CAMTA1: variants seen among roughly 807,000 people sequenced by gnomAD.
The protein encoded by CAMTA1 is calmodulin binding transcription activator 1.
Under a neutral mutation model 170.9 loss-of-function variants are expected in CAMTA1, and 27 were observed. The ratio of observed to expected loss-of-function variants is 0.16; its 90% CI spans 0.12 to 0.22. The LOEUF is 0.22. Among genes scored for constraint, CAMTA1 ranks in the 10% least tolerant of loss-of-function variants. The pLI is 1.00. For missense variants in CAMTA1, 1,619 were observed against 2,217.2 expected (o/e 0.73, Z 5.42); for synonymous variants, 833 against 891.5 (o/e 0.93, Z 1.17).
At chr1:7,655,381 C>T (rs2095888388) in intron 7 of CAMTA1, among the ~76,000 whole-genome samples, 1 of 147,348 alleles carries the variant, frequency 6.8e-6, no homozygotes. Flanking sequence ...CCTATACACA[C>T]ACACGTATGC....
At chr1:7,614,935 G>C (rs1371363054) in intron 6 of CAMTA1, among the ~76,000 whole-genome samples, 1 of 152,198 alleles carries the variant, frequency 6.6e-6, no homozygotes. Flanking sequence ...TTCAGAACCA[G>C]GGCTTTGAGC....
rs74051026 is a variant in CAMTA1, at chr1:6,886,913, G to A, written c.234+61703G>A. Among the ~76,000 whole-genome samples the A allele has an allele frequency of 2.6e-3, 400 of 152,260 alleles. 1 individual carries two copies. Among genetic ancestry groups the A allele is most frequent in the African/African-American group, 9.3e-3 (385 of 41,546 alleles). On this transcript the variant is annotated intron_variant, in intron 3 of 22. Transcript: ENST00000303635. Reference sequence around the variant, plus strand: ...CACTTGTTAGGATGTTACATTAATTGGGAGATGCTAGTCGTTTTGTTCATG... The same window carrying A: ...CACTTGTTAGGATGTTACATTAATTAGGAGATGCTAGTCGTTTTGTTCATG...
chr1:7,576,682 G>A (rs1343334680), intron 6 of CAMTA1, among the ~76,000 whole-genome samples: 1 of 152,174 alleles, frequency 6.6e-6, no homozygotes, highest in Non-Finnish European at 1.5e-5. Flanking sequence ...AATGGACTAA[G>A]ACATGTGAGG....
intron 4 of CAMTA1, among the ~76,000 whole-genome samples, chr1:7,244,574 A>G (rs1665439746): frequency 6.6e-6 from 1 of 152,244 alleles, no homozygotes; most frequent in South Asian, 2.1e-4. Flanking sequence ...AAAAATGATG[A>G]GTTCATGTCC....
At position 7,673,561 on chromosome 1, in the gene CAMTA1, C is replaced by T. The variant is rs1053667360; in HGVS notation, c.2779+2524C>T. 5.9e-5 allele frequency among the ~76,000 whole-genome samples: 9 copies of T among 152,164 alleles called. No individual in the cohort carries two copies. Among genetic ancestry groups the T allele is most frequent in the African/African-American group, 2.2e-4 (9 of 41,432 alleles). On this transcript the variant is annotated intron_variant, in intron 10 of 22. Coordinates refer to ENST00000303635, the MANE Select transcript of CAMTA1 (RefSeq NM_015215.4). The surrounding 1 kb of genome is among the most constrained non-coding windows in gnomAD (Gnocchi z 4.6). ...CCAGAGATGGCAGGTAGAGTCTCTG[C>T]CCAGGCCACTCACCCTCCTAGCTGT...
At chr1:7,749,567 T>C (rs1362044391) in intron 19 of CAMTA1, among the ~76,000 whole-genome samples, 2 of 151,368 alleles carry the variant, frequency 1.3e-5, no homozygotes, top group African/African-American at 2.4e-5. Flanking sequence ...CCAGAAACTG[T>C]CATCTACAGC....
intron 5 of CAMTA1, among the ~76,000 whole-genome samples, chr1:7,419,707 C>T (rs950147365): frequency 6.6e-6 from 1 of 152,194 alleles, no homozygotes; most frequent in African/African-American, 2.4e-5. Context: ...ACCACGGCCA[C>T]ATGGAGCCCA....
At chr1:7,034,301 T>G (rs1703248528) in intron 3 of CAMTA1, among the ~76,000 whole-genome samples, 1 of 152,122 alleles carries the variant, frequency 6.6e-6, no homozygotes, top group Non-Finnish European at 1.5e-5. Flanking sequence ...GGATTACAGG[T>G]GCCCACCACC....
intron 4 of CAMTA1, among the ~76,000 whole-genome samples, chr1:7,213,138 C>A (rs1326394602): frequency 6.6e-6 from 1 of 152,234 alleles, no homozygotes; most frequent in Non-Finnish European, 1.5e-5. Flanking sequence ...AGGAATGCAG[C>A]TGCTGGGTTG....
chr1:6,973,431 C>A (rs1276960501), intron 3 of CAMTA1, among the ~76,000 whole-genome samples: 1 of 152,156 alleles, frequency 6.6e-6, no homozygotes, highest in East Asian at 1.9e-4. Flanking sequence ...CTGGGCTCAT[C>A]CATGTTGTCA....
chr1:7,323,507 C>CTTTTTTTTTTTTTTTTTT (rs56382342), intron 5 of CAMTA1, among the ~76,000 whole-genome samples: 8 of 108,998 alleles, frequency 7.3e-5, no homozygotes, highest in Non-Finnish European at 1.2e-4. Context: ...CTTTATTCTT[C>CTTTTTTTTTTTTTTTTTT]TTTTTTTTTT....
intron 6 of CAMTA1, among the ~76,000 whole-genome samples, chr1:7,589,881 C>T (rs929141770): frequency 1.3e-5 from 2 of 152,224 alleles, no homozygotes; most frequent in South Asian, 4.1e-4. Flanking sequence ...CCTCAAACCC[C>T]GGCTGCCCTT....
intron 3 of CAMTA1, among the ~76,000 whole-genome samples, chr1:6,968,034 G>A (rs1691864094): frequency 6.6e-6 from 1 of 152,168 alleles, no homozygotes; most frequent in Non-Finnish European, 1.5e-5. Flanking sequence ...GAAGAACATC[G>A]ATAAATTGCC....
At chr1:7,688,580 G>C (rs2096278219) in intron 11 of CAMTA1, among the ~76,000 whole-genome samples, 2 of 152,166 alleles carry the variant, frequency 1.3e-5, no homozygotes, top group African/African-American at 4.8e-5. Context: ...ATGGAGAAGA[G>C]AAGACACAAG....
At chr1:7,139,140 A>AAC (rs570585499) in intron 4 of CAMTA1, among the ~76,000 whole-genome samples, 18,689 of 100,890 alleles carry the variant, frequency 0.19, 1,441 homozygotes, top group South Asian at 0.24. Context: ...AATATAAATA[A>AAC]ACAAATATAT....
intron 11 of CAMTA1, among the ~76,000 whole-genome samples, chr1:7,689,864 A>C (rs190773745): frequency 1.3e-5 from 2 of 152,308 alleles, no homozygotes; most frequent in Admixed American, 1.3e-4. Flanking sequence ...GGCAGATAAG[A>C]AATGAGCCGG....
Position 6,887,449 on chromosome 1 carries a change from A to G in CAMTA1, c.234+62239A>G, listed in dbSNP as rs1673537157. ...GAAGAAGTCAGACATATATGGTTGT[A>G]TGTACATGTGTATAGTATGTGGGTG... On this transcript the variant is annotated intron_variant, in intron 3 of 22. Transcript: ENST00000303635. This position sits in a 1 kb window ranked among gnomAD's most constrained non-coding sequence, Gnocchi z 4.1. Among the ~76,000 whole-genome samples the G allele has an allele frequency of 1.3e-5, 2 of 152,172 alleles. No homozygotes were observed.
intron 4 of CAMTA1, among the ~76,000 whole-genome samples, chr1:7,162,366 G>A (rs928403878): frequency 2.0e-5 from 3 of 152,124 alleles, no homozygotes; most frequent in Non-Finnish European, 2.9e-5. Context: ...TATTTACAGA[G>A]TTGTGCAACC....
At chr1:7,036,443 C>G (rs939272967) in intron 3 of CAMTA1, among the ~76,000 whole-genome samples, 7 of 152,196 alleles carry the variant, frequency 4.6e-5, no homozygotes, top group Admixed American at 2.0e-4. Flanking sequence ...AGGGTGCGAT[C>G]AGCCAGGGAC....
Sources: gnomAD v4.1 joint callset for allele counts (sites outside exome capture counted in the v4.1 genomes callset) on GRCh38, gnomAD v4.1.1 for gene constraint, Gnocchi (gnomAD v3.1) non-coding constraint, MANE v1.5 for transcripts, NCBI Gene and HGNC (gene_info 2026-07-23, HGNC 2026-07-21) for gene names.